CARF: variants seen among roughly 807,000 people sequenced by gnomAD.
CARF encodes the protein calcium responsive transcription factor.
A neutral mutation model predicts 82.0 loss-of-function variants in CARF; 57 were observed. The ratio of observed to expected loss-of-function variants is 0.70; its 90% CI spans 0.56 to 0.87. CARF has a LOEUF of 0.87. Ranked by LOEUF, CARF falls within the 40% of genes least tolerant of loss-of-function variation. CARF has a pLI of 0.00. For missense variants in CARF, 771 were observed against 855.8 expected (o/e 0.90, Z 1.24); for synonymous variants, 268 against 290.1 (o/e 0.92, Z 0.77).
intron 5 of CARF, among the ~76,000 whole-genome samples, chr2:202,947,143 T>C (rs907069679): frequency 3.9e-5 from 6 of 152,200 alleles, no homozygotes; most frequent in Non-Finnish European, 5.9e-5. Context: ...CCCAAAGGAT[T>C]ATAAATCATT....
At chr2:202,933,415 C>T (rs1453514332) in intron 3 of CARF, among the ~76,000 whole-genome samples, 1 of 152,152 alleles carries the variant, frequency 6.6e-6, no homozygotes, top group East Asian at 1.9e-4. Flanking sequence ...GGTAGCACAG[C>T]AGTGTGGACT....
chr2:202,933,773 ATATTGCTATTAACTGTAGTCAC>A (rs1693410609), intron 3 of CARF, among the ~76,000 whole-genome samples: 1 of 152,146 alleles, frequency 6.6e-6, no homozygotes, highest in South Asian at 2.1e-4. Flanking sequence ...TGACTACAGT[ATATTGCTATTAACTGTAGTCAC>A]TATGAACTTA....
chr2:202,983,445 C>A, intron 16 of CARF, 61 bp from the exon 17 acceptor site: 1 of 996,642 alleles, frequency 1.0e-6, no homozygotes, highest in Non-Finnish European at 1.5e-6. Context: ...AATATTTTTC[C>A]CCTCTCTTCC....
At chr2:202,961,712 G>T in intron 9 of CARF, 1 of 443,334 alleles carries the variant, frequency 2.3e-6, no homozygotes, top group Non-Finnish European at 3.9e-6. Context: ...TGTTAAAAGA[G>T]CAATTTTATT....
At chr2:202,929,943 G>T (rs1168114256) in intron 3 of CARF, among the ~76,000 whole-genome samples, 1 of 152,072 alleles carries the variant, frequency 6.6e-6, no homozygotes, top group Non-Finnish European at 1.5e-5. Context: ...GCCTTTGGTA[G>T]TATGGTCATT....
chr2:202,915,031 G>GT lies in CARF; in HGVS notation c.-330+1937dup, dbSNP rs1014819386. Among the ~76,000 whole-genome samples the GT allele has an allele frequency of 5.2e-3, 792 of 151,122 alleles. 5 individuals carry two copies. Among genetic ancestry groups the GT allele is most frequent in the African/African-American group, 0.017 (720 of 41,224 alleles). ...TTTGTTGTTTTGTTTTTGGTTTTTT[G>GT]TTTTTTTTCAGAGTCTCCCTCTGTC... On this transcript the variant is annotated intron_variant, in intron 1 of 16. Transcript: ENST00000438828.
intron 12 of CARF, among the ~76,000 whole-genome samples, chr2:202,972,674 T>TAAAAAA (rs35376227): frequency 1.9e-5 from 2 of 103,002 alleles, no homozygotes; most frequent in East Asian, 3.0e-4. Context: ...AGACTCCGTC[T>TAAAAAA]AAAAAAAAAA....
intron 14 of CARF, among the ~76,000 whole-genome samples, chr2:202,980,385 T>G (rs1210353414): frequency 6.6e-6 from 1 of 151,908 alleles, no homozygotes; most frequent in Non-Finnish European, 1.5e-5. Context: ...AGAGTTTTTA[T>G]TTTTATTCAT....
intron 5 of CARF, among the ~76,000 whole-genome samples, chr2:202,946,378 G>C (rs2058498033): frequency 6.6e-6 from 1 of 152,112 alleles, no homozygotes; most frequent in Non-Finnish European, 1.5e-5. Context: ...TGACAAACCT[G>C]ACAAAAACAA....
At chr2:202,952,404 T>C (rs1451960820) in intron 5 of CARF, among the ~76,000 whole-genome samples, 155 bp from the exon 6 acceptor site, 1 of 152,132 alleles carries the variant, frequency 6.6e-6, no homozygotes, top group African/African-American at 2.4e-5. Flanking sequence ...TGGAAAAAAA[T>C]GTTTATGTGC....
At chr2:202,969,011 C>T (rs1457277420) in intron 10 of CARF, among the ~76,000 whole-genome samples, 1 of 152,060 alleles carries the variant, frequency 6.6e-6, no homozygotes, top group Admixed American at 6.6e-5. Context: ...CTATAGAGGC[C>T]AGGTGTGGTG....
At position 202,967,094 on chromosome 2, in the gene CARF, G is replaced by C; in HGVS notation, c.949G>C (p.Ala317Pro). 1 of 1,610,562 alleles carries C rather than the reference G, an allele frequency of 6.2e-7. No homozygotes were observed. The highest frequency in any genetic ancestry group is 8.5e-7 in the Non-Finnish European group (1 of 1,179,194). ...SCQLYKATCP[A>P]RIYIKKVQKF... ...TCAGCTCTACAAAGCCACTTGTCCA[G>C]CTCGGTAAGCTTTATTTTCTTTTAT... Residue 317 changes from alanine to proline, a missense_variant, in exon 10 of 17, where the codon GCT becomes CCT. Physicochemically the swap from Ala to Pro is conservative, Grantham distance 27. Transcript: ENST00000438828.
chr2:202,979,745 G>A (rs2060171534), intron 14 of CARF, among the ~76,000 whole-genome samples: 1 of 151,514 alleles, frequency 6.6e-6, no homozygotes, highest in South Asian at 2.1e-4. Flanking sequence ...AGGTTGCAAT[G>A]AGCCGAGATT....
chr2:202,931,987 C>G (rs917272155), intron 3 of CARF, among the ~76,000 whole-genome samples: 2 of 152,102 alleles, frequency 1.3e-5, no homozygotes, highest in Admixed American at 1.3e-4. Flanking sequence ...GCAGGCTGTA[C>G]AGGAAGCATT....
intron 12 of CARF, among the ~76,000 whole-genome samples, chr2:202,972,445 G>A (rs1332823055): frequency 5.3e-5 from 8 of 151,918 alleles, no homozygotes; most frequent in East Asian, 1.9e-4. Context: ...TTGGGAGTCC[G>A]AGGAGGGCAG....
rs755577222 is a variant in CARF at position 202,952,565 on chromosome 2, G to A, written c.313G>A (p.Val105Ile). 11 of 1,611,038 alleles carry A rather than the reference G, an allele frequency of 6.8e-6. No homozygotes were observed. In the South Asian group the frequency reaches 7.7e-5, roughly 11 times the overall value. ...TTTTTTTAATGCTTCCAAGATGATC[G>A]TTGCCAGCCCAACAGAAAATGGACA... ...LGESNAQMMI[V>I]ASPTENGQVL... Residue 105 changes from valine (V) to isoleucine (I), a missense_variant, in exon 6 of 17, where the codon GTT (valine) becomes ATT (isoleucine). Coordinates refer to ENST00000438828, the MANE Select transcript of CARF (RefSeq NM_024744.17).
chr2:202,919,064 T>G (rs1236287023), intron 2 of CARF, among the ~76,000 whole-genome samples: 1 of 152,198 alleles, frequency 6.6e-6, no homozygotes, highest in African/African-American at 2.4e-5. Flanking sequence ...CCAGTCATAC[T>G]TCCCTCAGTC....
chr2:202,972,691 A>G (rs2059845678), intron 12 of CARF, among the ~76,000 whole-genome samples: 4 of 151,216 alleles, frequency 2.6e-5, no homozygotes, highest in African/African-American at 9.7e-5. Context: ...AAAAAAAAAA[A>G]AAAAGGCAGT....
intron 13 of CARF, among the ~76,000 whole-genome samples, chr2:202,975,867 A>C (rs2060001917): frequency 1.3e-5 from 2 of 151,726 alleles, no homozygotes; most frequent in Non-Finnish European, 2.9e-5. Flanking sequence ...CAACACAGTG[A>C]AACCCCATTT....
Sources: allele counts gnomAD v4.1 joint callset (sites outside exome capture counted in the v4.1 genomes callset), GRCh38; gene constraint gnomAD v4.1.1; transcripts MANE v1.5; gene names NCBI Gene and HGNC (gene_info 2026-07-23, HGNC 2026-07-21).